The following PSME3 variants were observed in gnomAD, a reference collection of about 807,000 sequenced individuals.
The protein encoded by PSME3 is proteasome activator complex subunit 3.
A neutral mutation model predicts 38.3 loss-of-function variants in PSME3; 7 were observed. That is an observed-to-expected ratio of 0.18 (90% CI 0.10 to 0.34). PSME3 has a LOEUF of 0.34. Ranked by LOEUF, PSME3 falls within the 10% of genes least tolerant of loss-of-function variation. The pLI is 1.00. For synonymous variants in PSME3, 108 were observed against 105.7 expected, an observed-to-expected ratio of 1.02 and a Z score of -0.13; for missense variants, 192 against 307.6, an observed-to-expected ratio of 0.62 and a Z score of 2.81.
Position 42,834,585 on chromosome 17 carries a change from AC to A in PSME3, c.138+11del. On this transcript the variant is annotated intron_variant, in intron 3 of 10. Transcript: ENST00000590720. ...CTTGATAGTTTTCTGAAGGTGAGAG[AC>A]CCTATTCTTTCCTCAAATTCCCCAA... 1.2e-6 allele frequency: 2 copies of A among 1,613,464 alleles called. No homozygotes were observed. The highest frequency in any genetic ancestry group is 1.7e-6 in the Non-Finnish European group (2 of 1,179,576).
At chr17:42,834,267 G>A in intron 1 of PSME3, 77 bp from the exon 2 acceptor site, 7 of 1,609,304 alleles carry the variant, frequency 4.3e-6, no homozygotes, top group Non-Finnish European at 5.9e-6. Flanking sequence ...GTGAGGGAAA[G>A]ACAGTTGGAT....
chr17:42,834,304 C>T, intron 1 of PSME3, 40 bp from the exon 2 acceptor site: 3 of 1,613,812 alleles, frequency 1.9e-6, no homozygotes, highest in Non-Finnish European at 2.5e-6. Context: ...GCTCTTACCT[C>T]TGTCCCCAGG....
chr17:42,836,140 G>A (rs2055460709), intron 4 of PSME3, among the ~76,000 whole-genome samples: 1 of 151,702 alleles, frequency 6.6e-6, no homozygotes, highest in African/African-American at 2.4e-5. Flanking sequence ...ACGTAGCTGA[G>A]ATTACAGGTG....
At chr17:42,834,179 G>T (rs1382831126) in intron 1 of PSME3, 165 bp from the exon 2 acceptor site, 2 of 1,524,684 alleles carry the variant, frequency 1.3e-6, no homozygotes, top group Admixed American at 4.2e-5. Context: ...GCGTTCTTCT[G>T]AGATGGAAAA....
rs377545850 is a variant in PSME3, at chr17:42,837,624, C to T, written c.244-25C>T. The T allele has an allele frequency of 5.0e-6, 8 of 1,613,508 alleles. No individual in the cohort carries two copies. The African/African-American group carries it at 8.0e-5, about 16-fold the overall frequency. ...GAGATGTGGGTGTCAAAACTAGGCT[C>T]ATCCCTGCCTCTTTGTATCCTTAGC... On this transcript the variant is annotated intron_variant, in intron 4 of 10. Coordinates refer to ENST00000590720, the MANE Select transcript of PSME3 (RefSeq NM_005789.4).
intron 2 of PSME3, 34 bp downstream of exon 2, chr17:42,834,410 T>A: frequency 6.2e-7 from 1 of 1,611,862 alleles, no homozygotes; most frequent in Middle Eastern, 1.7e-4. Flanking sequence ...GGTTGTTGGT[T>A]GAGAATTTCC....
chr17:42,838,229 T>G, intron 6 of PSME3, 24 bp downstream of exon 6: 2 of 1,613,172 alleles, frequency 1.2e-6, no homozygotes, highest in Non-Finnish European at 1.7e-6. Flanking sequence ...TGGTGACCTA[T>G]GGGCCGGCCC....
Position 42,839,310 on chromosome 17 carries a change from C to T in PSME3, c.614C>T (p.Thr205Ile). The change falls in exon 10 of 11, where the codon ACC becomes ATC. Residue 205 changes from threonine to isoleucine, a missense_variant. Coordinates refer to ENST00000590720, the MANE Select transcript of PSME3 (RefSeq NM_005789.4). ...KYPHVEDYRRTVTEIDEKEYI... is the reference protein window; with the variant it reads ...KYPHVEDYRRIVTEIDEKEYI... ...TCCTTGCAGGAGGACTATCGCCGCA[C>T]CGTGACAGAGATTGATGAGAAAGAA... 6.2e-7 allele frequency: 1 copy of T among 1,613,810 alleles called. No homozygotes were observed. The highest frequency in any genetic ancestry group is 8.5e-7 in the Non-Finnish European group (1 of 1,179,748).
At position 42,839,117 on chromosome 17, in the gene PSME3, A is replaced by G; in HGVS notation, c.548A>G (p.Tyr183Cys). The change falls in exon 9 of 11, where the codon TAT becomes TGT. Residue 183 changes from tyrosine to cysteine, a missense_variant. By Grantham distance (194) the Tyr-to-Cys change is radical. Around this residue, in one of 2 missense-constraint regions of PSME3, gnomAD observed 82 missense variants for 168.2 expected, o/e 0.49. Coordinates refer to ENST00000590720, the MANE Select transcript of PSME3 (RefSeq NM_005789.4). ...ASYLDQISRY[Y>C]ITRAKLVSKI... ...CCTCTTCTCTCTCTTTCCAGATATTATATTACAAGAGCCAAATTGGTTTCT... is the reference window on the plus strand; with the variant it reads ...CCTCTTCTCTCTCTTTCCAGATATTGTATTACAAGAGCCAAATTGGTTTCT... The G allele has an allele frequency of 6.3e-7, 1 of 1,590,882 alleles. No individual in the cohort carries two copies. Among genetic ancestry groups the G allele is most frequent in the Non-Finnish European group, 8.6e-7 (1 of 1,158,982 alleles).
At chr17:42,835,012 CT>C in intron 4 of PSME3, 136 bp downstream of exon 4, 1 of 1,205,700 alleles carries the variant, frequency 8.3e-7, no homozygotes, top group Non-Finnish European at 1.1e-6. Flanking sequence ...GACATGATGA[CT>C]CTAGTATAGT....
rs59492997 is a variant in PSME3 at position 42,834,437 on chromosome 17, GGAGAGAGAGA to G, written c.76-55_76-46del. 3.1e-4 allele frequency: 471 copies of G among 1,536,764 alleles called. 2 individuals carry two copies. Among genetic ancestry groups the G allele is most frequent in the African/African-American group, 8.6e-4 (61 of 70,816 alleles). On this transcript the variant is annotated intron_variant, in intron 2 of 10. Coordinates refer to ENST00000590720, the MANE Select transcript of PSME3 (RefSeq NM_005789.4). ...AGAATTTCCCAAAGAGGAGATACCT[GGAGAGAGAGA>G]GAGAGAGAGAGAGAGAGAGAGACCT... is the stretch of plus-strand genomic sequence containing the variant.
chr17:42,843,697 T>C lies in PSME3; in HGVS notation c.*2119T>C, dbSNP rs1206737820. ...CTCCTAGTTTTGGTTTTCAAATTACTTGGAGGGCTGCCTAGGAATCTATCT... is the reference window on the plus strand; with the variant it reads ...CTCCTAGTTTTGGTTTTCAAATTACCTGGAGGGCTGCCTAGGAATCTATCT... On this transcript the variant is annotated 3_prime_UTR_variant, in exon 11 of 11. Coordinates refer to ENST00000590720, the MANE Select transcript of PSME3 (RefSeq NM_005789.4). 4.6e-5 allele frequency: 7 copies of C among 152,394 alleles called. No individual in the cohort carries two copies. The highest frequency in any genetic ancestry group is 7.3e-5 in the Non-Finnish European group (5 of 68,048). The allele number at this position is 152,394 out of a possible 1,614,324, so 9.4% of individuals were successfully genotyped here. A position where few individuals can be genotyped will look rare whatever the true frequency, so the allele number is the denominator to read the frequency against.
At chr17:42,835,711 C>T (rs1284222963) in intron 4 of PSME3, among the ~76,000 whole-genome samples, 1 of 149,900 alleles carries the variant, frequency 6.7e-6, no homozygotes, top group Non-Finnish European at 1.5e-5. Context: ...GGCGACAGAG[C>T]GAGACTCTGT....
intron 10 of PSME3, 116 bp from the exon 11 acceptor site, chr17:42,841,382 A>G (rs1730079085): frequency 9.6e-6 from 5 of 518,456 alleles, no homozygotes; most frequent in South Asian, 7.4e-5. Flanking sequence ...TATTGATGAC[A>G]TTAAGGACTT....
Position 42,833,452 on chromosome 17 carries a change from C to G in PSME3, c.-180C>G, listed in dbSNP as rs1391980369. 2 of 681,680 alleles carry G rather than the reference C, an allele frequency of 2.9e-6. No individual in the cohort carries two copies. The highest frequency in any genetic ancestry group is 2.5e-6 in the Non-Finnish European group (1 of 402,498). The allele number at this position is 681,680 out of a possible 1,614,324, so 42.2% of individuals were successfully genotyped here. On this transcript the variant is annotated 5_prime_UTR_variant, in exon 1 of 11. Transcript: ENST00000590720. The stretch of plus-strand genomic sequence containing the variant: ...GAGGGCGAGCGAGAGAGCAAGCAGG[C>G]AGCAGGCTGCCGGCGGGCGGGCGGA...
intron 4 of PSME3, among the ~76,000 whole-genome samples, chr17:42,837,040 C>T (rs1469650508): frequency 6.6e-6 from 1 of 151,846 alleles, no homozygotes; most frequent in Admixed American, 6.6e-5. Context: ...GCCACCACAC[C>T]CGGCTAATTT....
chr17:42,837,971 G>A, intron 5 of PSME3, 122 bp from the exon 6 acceptor site: 2 of 1,066,764 alleles, frequency 1.9e-6, no homozygotes, highest in Non-Finnish European at 1.4e-6. Context: ...GTGGTGTCAT[G>A]GTAGGATTGT....
chr17:42,842,012 TC>T lies in PSME3; in HGVS notation c.*435del, dbSNP rs1286208787. On this transcript the variant is annotated 3_prime_UTR_variant, in exon 11 of 11. Transcript: ENST00000590720. ...CTAGGGTGGCGGGGGGACGAACTTC[TC>T]TTCCTCACATGAGGTTACTGTTTCT... 1 of 154,664 alleles carries T rather than the reference TC, an allele frequency of 6.5e-6. No homozygotes were observed. Among genetic ancestry groups the T allele is most frequent in the African/African-American group, 2.4e-5 (1 of 41,468 alleles). The allele number at this position is 154,664 out of a possible 1,614,324, so 9.6% of individuals were successfully genotyped here. A position where few individuals can be genotyped will look rare whatever the true frequency, so the allele number is the denominator to read the frequency against.
chr17:42,834,923 T>C, intron 4 of PSME3, 47 bp downstream of exon 4: 1 of 1,608,226 alleles, frequency 6.2e-7, no homozygotes, highest in Non-Finnish European at 8.5e-7. Flanking sequence ...GTAGGTCCTC[T>C]GTCCTCTGTT....
Sources: allele counts gnomAD v4.1 joint callset (sites outside exome capture counted in the v4.1 genomes callset), GRCh38; gene constraint gnomAD v4.1.1; regional missense constraint gnomAD v4.1.1; transcripts MANE v1.5; gene names NCBI Gene and HGNC (gene_info 2026-07-23, HGNC 2026-07-21).